The following CAMK1D variants were observed in gnomAD, a reference collection of about 807,000 sequenced individuals.
CAMK1D encodes the protein calcium/calmodulin dependent protein kinase ID.
CAMK1D carries 9 observed loss-of-function variants against 47.7 expected under a neutral mutation model. The ratio of observed to expected loss-of-function variants is 0.19; its 90% CI spans 0.11 to 0.33. CAMK1D has a LOEUF of 0.33. Among genes scored for constraint, CAMK1D ranks in the 10% least tolerant of loss-of-function variants. The pLI is 1.00. For missense variants in CAMK1D, 291 were observed against 488.7 expected, an observed-to-expected ratio of 0.60 and a Z score of 3.81; for synonymous variants, 184 against 184.9, an observed-to-expected ratio of 0.99 and a Z score of 0.04.
At chr10:12,541,612 G>A (rs559491267) in intron 1 of CAMK1D, among the ~76,000 whole-genome samples, 3 of 152,124 alleles carry the variant, frequency 2.0e-5, no homozygotes, top group South Asian at 2.1e-4. Flanking sequence ...ACCCGCCTTG[G>A]CCCCCCAAAA....
intron 1 of CAMK1D, among the ~76,000 whole-genome samples, chr10:12,426,860 G>A (rs552343291): frequency 3.3e-5 from 5 of 152,286 alleles, no homozygotes; most frequent in African/African-American, 9.6e-5. Flanking sequence ...GACCACAGGT[G>A]CATGCCACCA....
At chr10:12,618,207 G>A (rs1326352088) in intron 2 of CAMK1D, among the ~76,000 whole-genome samples, 1 of 151,906 alleles carries the variant, frequency 6.6e-6, no homozygotes, top group Non-Finnish European at 1.5e-5. Flanking sequence ...CACTATAATG[G>A]ACTTGCTAAA....
chr10:12,761,143 AC>A (rs1836489973), intron 4 of CAMK1D, 57 bp downstream of exon 4: 1 of 1,585,384 alleles, frequency 6.3e-7, no homozygotes, highest in South Asian at 1.1e-5. Context: ...AATGCACGCG[AC>A]CAAGAGGGCT....
chr10:12,531,965 T>C (rs575338163), intron 1 of CAMK1D, among the ~76,000 whole-genome samples: 5 of 152,334 alleles, frequency 3.3e-5, no homozygotes, highest in Non-Finnish European at 5.9e-5. Flanking sequence ...AATTCTCTCA[T>C]AGTAAATTTC....
rs765104968 is a variant in CAMK1D at position 12,716,156 on chromosome 10, C to G, written c.300-44792C>G. On this transcript the variant is annotated intron_variant, in intron 3 of 10. Coordinates refer to ENST00000619168, the MANE Select transcript of CAMK1D (RefSeq NM_153498.4). ...GGCGCCTCTATGATACCGCCTCGCA[C>G]TTTATCTCTCTGAAGTGGTTTTGAA... Among the ~76,000 whole-genome samples the G allele has an allele frequency of 2.6e-5, 4 of 152,272 alleles. No homozygotes were observed. In the Middle Eastern group the frequency reaches 0.01, roughly 388 times the overall value.
chr10:12,671,755 T>C (rs1274612331), intron 3 of CAMK1D, among the ~76,000 whole-genome samples: 1 of 152,020 alleles, frequency 6.6e-6, no homozygotes, highest in African/African-American at 2.4e-5. Flanking sequence ...CCAGACATGA[T>C]TTGCAAATGT....
intron 3 of CAMK1D, among the ~76,000 whole-genome samples, chr10:12,756,163 G>C (rs1166175205): frequency 6.6e-6 from 1 of 152,204 alleles, no homozygotes; most frequent in Non-Finnish European, 1.5e-5. Flanking sequence ...TTCTAGAATA[G>C]AATGGATTAT....
chr10:12,456,252 A>G (rs1052350800), intron 1 of CAMK1D, among the ~76,000 whole-genome samples: 1 of 152,228 alleles, frequency 6.6e-6, no homozygotes, highest in African/African-American at 2.4e-5. Context: ...TCTTGTGATG[A>G]GAAAAATATT....
At chr10:12,759,502 G>C (rs2989500) in intron 3 of CAMK1D, among the ~76,000 whole-genome samples, 56,491 of 152,092 alleles carry the variant, frequency 0.37, 10,564 homozygotes, top group Non-Finnish European at 0.4. Context: ...GATGAGAGGA[G>C]AGAAGTTGGT....
intron 1 of CAMK1D, among the ~76,000 whole-genome samples, chr10:12,462,510 C>T (rs184903953): frequency 2.0e-5 from 3 of 151,236 alleles, no homozygotes; most frequent in Non-Finnish European, 4.4e-5. Context: ...AGCATTGGAC[C>T]ATATTTGTGA....
At chr10:12,591,634 T>C (rs932283939) in intron 2 of CAMK1D, among the ~76,000 whole-genome samples, 8 of 152,238 alleles carry the variant, frequency 5.3e-5, no homozygotes, top group African/African-American at 7.2e-5. Flanking sequence ...CCCTGCTCAC[T>C]TGACTGTTCT....
At chr10:12,491,839 G>C (rs536526358) in intron 1 of CAMK1D, among the ~76,000 whole-genome samples, 33 of 152,256 alleles carry the variant, frequency 2.2e-4, no homozygotes, top group Middle Eastern at 3.4e-3. Flanking sequence ...CCAGGCTGGA[G>C]TTCAGTGGTG....
intron 2 of CAMK1D, among the ~76,000 whole-genome samples, chr10:12,639,284 A>T (rs1358703250): frequency 6.6e-6 from 1 of 152,212 alleles, no homozygotes. Context: ...CAGGCGTTCA[A>T]GACCAGCCTG....
chr10:12,753,697 C>G (rs1023558809), intron 3 of CAMK1D, among the ~76,000 whole-genome samples: 7 of 152,174 alleles, frequency 4.6e-5, no homozygotes, highest in Non-Finnish European at 8.8e-5. Context: ...AGTGGCTGCA[C>G]CAGCCACCCA....
chr10:12,473,433 CAAAAA>C (rs1451085697), intron 1 of CAMK1D, among the ~76,000 whole-genome samples: 1 of 150,538 alleles, frequency 6.6e-6, no homozygotes, highest in Non-Finnish European at 1.5e-5. Context: ...GACTCTGACT[CAAAAA>C]GAAAAAAAAA....
intron 2 of CAMK1D, among the ~76,000 whole-genome samples, chr10:12,570,811 C>T (rs947914797): frequency 2.6e-5 from 4 of 151,296 alleles, no homozygotes; most frequent in African/African-American, 7.3e-5. Flanking sequence ...ATTAGCCAGG[C>T]GTGGTAGAGC....
rs1472149679 is a variant in CAMK1D, at chr10:12,694,357, TTA to T, written c.299+27551_299+27552del. ...ATATATAATATATAACATATATATG[TTA>T]TATGTTATATATAAAATATAAAATA... On this transcript the variant is annotated intron_variant, in intron 3 of 10. Coordinates refer to ENST00000619168, the MANE Select transcript of CAMK1D (RefSeq NM_153498.4). Among the ~76,000 whole-genome samples, 16 of 80,766 alleles carry T rather than the reference TTA, an allele frequency of 2.0e-4. 4 individuals carry two copies. The allele number at this position is 80,766 out of a possible 152,430, so 53.0% of individuals were successfully genotyped here. A position where few individuals can be genotyped will look rare whatever the true frequency, so the allele number is the denominator to read the frequency against.
intron 1 of CAMK1D, among the ~76,000 whole-genome samples, chr10:12,381,802 C>G (rs1269792764): frequency 2.0e-5 from 3 of 152,092 alleles, no homozygotes; most frequent in African/African-American, 7.2e-5. Context: ...TAGCTGGTAC[C>G]AGGGGCATGT....
intron 5 of CAMK1D, among the ~76,000 whole-genome samples, chr10:12,777,119 A>T (rs1056037027): frequency 6.6e-6 from 1 of 152,110 alleles, no homozygotes. Context: ...GTGAACCGGG[A>T]TAGGCAATGA....
Sources: gnomAD v4.1 joint callset for allele counts (sites outside exome capture counted in the v4.1 genomes callset) on GRCh38, gnomAD v4.1.1 for gene constraint, MANE v1.5 for transcripts, NCBI Gene and HGNC (gene_info 2026-07-23, HGNC 2026-07-21) for gene names.